Variants in UGT2B11 observed in about 807,000 individuals in gnomAD.
UGT2B11 encodes the protein UDP glucuronosyltransferase family 2 member B11.
In UGT2B11, 49 loss-of-function variants were observed where a neutral mutation model predicts 51.7. The observed-to-expected ratio is 0.95, with a 90% CI of 0.75 to 1.20. The LOEUF (loss-of-function observed/expected upper bound fraction) is 1.20. Ranked by LOEUF, UGT2B11 falls within the 50% of genes most tolerant of loss-of-function variation. UGT2B11 has a pLI of 0.00. For missense variants in UGT2B11, 810 were observed against 622.1 expected (o/e 1.30, Z -3.21); for synonymous variants, 273 against 209.0 (o/e 1.31, Z -2.64).
At chr4:69,220,475 C>G in the UGT2B11 span, among the ~76,000 whole-genome samples, 10 of 12,986 alleles carry the variant, frequency 7.7e-4, no homozygotes, top group African/African-American at 1.3e-3. Flanking sequence ...GGGGCTCACA[C>G]TACACATTTT....
intron 4 of UGT2B11, among the ~76,000 whole-genome samples, chr4:69,205,041 C>G (rs1721797820): frequency 6.6e-6 from 1 of 151,642 alleles, no homozygotes; most frequent in African/African-American, 2.4e-5. Context: ...TGAGGAAAGA[C>G]AGGTCACACT....
At chr4:69,221,171 T>G in the UGT2B11 span, among the ~76,000 whole-genome samples, 1 of 152,212 alleles carries the variant, frequency 6.6e-6, no homozygotes, top group Non-Finnish European at 1.5e-5. Flanking sequence ...TTAGGCATGA[T>G]AGGCTGTGAT....
chr4:69,200,549 A>G lies in UGT2B11; in HGVS notation c.1481T>C (p.Ile494Thr), dbSNP rs145786860. The change falls in exon 6 of 6, where the codon ATT becomes ACT. Residue 494 changes from isoleucine to threonine, a missense_variant. By Grantham distance (89) the Ile-to-Thr change is moderately conservative (BLOSUM62 -1). Coordinates refer to ENST00000446444, the MANE Select transcript of UGT2B11 (RefSeq NM_001073.3). ...TGCCACACAGGCCAGCAGAAACCCA[A>G]TCACATCCAAAGAGTGGTACTGGAA... Reference protein sequence around the residue: ...TWFQYHSLDVIGFLLACVATV... With the variant: ...TWFQYHSLDVTGFLLACVATV... 4.8e-4 allele frequency: 781 copies of G among 1,612,374 alleles called. 3 individuals carry two copies. The African/African-American group carries it at 7.7e-3, about 16-fold the overall frequency.
chr4:69,204,756 T>A lies in UGT2B11; in HGVS notation c.1091-107A>T, dbSNP rs532937546. On this transcript the variant is annotated intron_variant, in intron 4 of 5. Transcript: ENST00000446444. ...TTTCTAGATAACACATTGAACTAAT[T>A]TGCTATTACTTTTCAGACTTCAGAT... 1.2e-3 allele frequency: 1,773 copies of A among 1,540,292 alleles called. 1 individual carries two copies. The highest frequency in any genetic ancestry group is 1.4e-3 in the Non-Finnish European group (1,598 of 1,128,594).
At chr4:69,217,978 C>T (rs1232832454), upstream of UGT2B11, among the ~76,000 whole-genome samples, 7 of 152,048 alleles carry the variant, frequency 4.6e-5, no homozygotes, top group Admixed American at 4.6e-4. Context: ...GAGGACTCTG[C>T]CTTCGTGACC....
upstream of UGT2B11, chr4:69,216,835 A>G (rs1249759226): frequency 6.6e-6 from 1 of 152,094 alleles, no homozygotes; most frequent in Non-Finnish European, 1.5e-5. Context: ...CCAGAACAAG[A>G]GATAATTTAA....
At chr4:69,216,221 T>C (rs1722269675), upstream of UGT2B11, 1 of 152,116 alleles carries the variant, frequency 6.6e-6, no homozygotes, top group South Asian at 2.1e-4. Context: ...TGGAATCTTG[T>C]TGTTCCTCAT....
In UGT2B11 at chr4:69,204,543, T is replaced by C. The variant is rs1323499555; in HGVS notation, c.1197A>G (p.Gln399=). ...PMVGIPLFFD[Q]PDNIAHMKAK... ...CCTTCATGTGAGCAATGTTATCAGG[T>C]TGATCAAAAAACAATGGAATGCCCA... The change falls in exon 5 of 6, where the codon CAA becomes CAG. Residue 399 remains glutamine (Q), a synonymous_variant. Coordinates refer to ENST00000446444, the MANE Select transcript of UGT2B11 (RefSeq NM_001073.3). 10 of 1,612,344 alleles carry C rather than the reference T, an allele frequency of 6.2e-6. No individual in the cohort carries two copies. The highest frequency in any genetic ancestry group is 1.7e-5 in the Admixed American group (1 of 59,870).
At position 69,208,499 on chromosome 4, in the gene UGT2B11, G is replaced by C; in HGVS notation, c.871-17C>G. On this transcript the variant is annotated splice_polypyrimidine_tract_variant and intron_variant, in intron 2 of 5. Coordinates refer to ENST00000446444, the MANE Select transcript of UGT2B11 (RefSeq NM_001073.3). ...CTCCATTTCCTGTGAAAAAAAAATTGTTTCATCACAAAAGAGTATCACCAC... is the reference window on the plus strand; with the variant it reads ...CTCCATTTCCTGTGAAAAAAAAATTCTTTCATCACAAAAGAGTATCACCAC... 2 of 1,606,154 alleles carry C rather than the reference G, an allele frequency of 1.2e-6. No individual in the cohort carries two copies. Among genetic ancestry groups the C allele is most frequent in the South Asian group, 2.2e-5 (2 of 90,452 alleles).
the UGT2B11 span, among the ~76,000 whole-genome samples, chr4:69,224,214 G>A: frequency 1.3e-5 from 2 of 152,232 alleles, no homozygotes; most frequent in South Asian, 2.1e-4. Flanking sequence ...AAAGAAGTCT[G>A]GCCGGCGGAC....
chr4:69,203,750 C>T (rs561810853), intron 5 of UGT2B11, among the ~76,000 whole-genome samples: 9 of 151,722 alleles, frequency 5.9e-5, no homozygotes, highest in African/African-American at 1.9e-4. Context: ...ATTTACACAG[C>T]ACCTGAGACT....
At chr4:69,207,515 C>T (rs943189305) in intron 3 of UGT2B11, among the ~76,000 whole-genome samples, 1 of 151,582 alleles carries the variant, frequency 6.6e-6, no homozygotes, top group African/African-American at 2.4e-5. Flanking sequence ...CCCTGCCTCT[C>T]TTCCTTCTGT....
At chr4:69,219,379 G>T (rs763630447), upstream of UGT2B11, among the ~76,000 whole-genome samples, 2 of 151,916 alleles carry the variant, frequency 1.3e-5, no homozygotes, top group Non-Finnish European at 2.9e-5. Context: ...AATTATATTC[G>T]CCCGTTCTGT....
chr4:69,211,055 TTC>T (rs951076428), intron 2 of UGT2B11: 22 of 151,566 alleles, frequency 1.5e-4, no homozygotes, highest in African/African-American at 5.1e-4. Context: ...ATCTCTGTGC[TTC>T]TCTGTCAGGC....
chr4:69,212,567 G>A lies in UGT2B11; in HGVS notation c.870+6C>T, dbSNP rs1382109612. ...AACAAAATAAAACCAACAAAAGTAT[G>A]TTTACCTTAGGTAGGGGTTTGGCAG... On this transcript the variant is annotated splice_donor_region_variant and intron_variant, in intron 2 of 5. Transcript: ENST00000446444. The A allele has an allele frequency of 5.0e-6, 8 of 1,603,526 alleles. No individual in the cohort carries two copies. The highest frequency in any genetic ancestry group is 6.8e-6 in the Non-Finnish European group (8 of 1,175,382).
chr4:69,217,482 CT>C (rs1722303423), upstream of UGT2B11, among the ~76,000 whole-genome samples: 1 of 151,964 alleles, frequency 6.6e-6, no homozygotes, highest in South Asian at 2.1e-4. Flanking sequence ...CAGATTTTCC[CT>C]TTGGGAATAT....
chr4:69,201,630 T>G (rs1234125793), intron 5 of UGT2B11, among the ~76,000 whole-genome samples: 1 of 151,768 alleles, frequency 6.6e-6, no homozygotes, highest in Non-Finnish European at 1.5e-5. Flanking sequence ...CTTGGAGTAT[T>G]CTTTCTTGCT....
chr4:69,207,480 A>G (rs1721901194), intron 3 of UGT2B11, among the ~76,000 whole-genome samples: 1 of 151,646 alleles, frequency 6.6e-6, no homozygotes, highest in Non-Finnish European at 1.5e-5. Flanking sequence ...ACTATGTTCT[A>G]TGGAGGGGAC....
intron 1 of UGT2B11, 152 bp from the exon 2 acceptor site, chr4:69,212,873 T>G (rs1722127262): frequency 2.8e-6 from 2 of 727,254 alleles, no homozygotes; most frequent in East Asian, 1.1e-4. Context: ...TATATTATTA[T>G]GTATTATATA....
Sources: gnomAD v4.1 joint callset for allele counts (sites outside exome capture counted in the v4.1 genomes callset) on GRCh38, gnomAD v4.1.1 for gene constraint, MANE v1.5 for transcripts, NCBI Gene and HGNC (gene_info 2026-07-23, HGNC 2026-07-21) for gene names.